LDAH: variants seen among roughly 807,000 people sequenced by gnomAD.
LDAH encodes the protein lipid droplet associated hydrolase, also known as lipid droplet-associated hydrolase.
LDAH carries 26 observed loss-of-function variants against 29.6 expected under a neutral mutation model. The observed-to-expected ratio is 0.88, with a 90% CI of 0.64 to 1.22. The LOEUF is 1.22. Ranked by LOEUF, LDAH falls within the 50% of genes most tolerant of loss-of-function variation. LDAH has a pLI of 0.00. For missense variants in LDAH, 344 were observed against 387.3 expected (o/e 0.89, Z 0.94); for synonymous variants, 117 against 133.0 (o/e 0.88, Z 0.83).
rs1662488169 is a variant in LDAH at position 20,685,420 on chromosome 2, G to A, written c.*1483C>T. 9.1e-6 allele frequency: 11 copies of A among 1,213,592 alleles called. No homozygotes were observed. Among genetic ancestry groups the A allele is most frequent in the Non-Finnish European group, 1.2e-5 (11 of 886,400 alleles). The allele number at this position is 1,213,592 out of a possible 1,614,324, so 75.2% of individuals were successfully genotyped here. A position where few individuals can be genotyped will look rare whatever the true frequency, so the allele number is the denominator to read the frequency against. ...GTACAGCCCTGTGCTTACGGCCTAT[G>A]TATCTATTAGCTCTTCCCCTTGGGC... On this transcript the variant is annotated 3_prime_UTR_variant, in exon 7 of 7. Coordinates refer to ENST00000237822, the MANE Select transcript of LDAH (RefSeq NM_021925.4).
rs114010802 is a variant in LDAH, at chr2:20,774,826, C to T, written c.452G>A (p.Arg151Gln). The change falls in exon 4 of 7, where the codon CGA (arginine) becomes CAA (glutamine). Residue 151 changes from arginine (R) to glutamine (Q), a missense_variant. Transcript: ENST00000237822. Reference sequence around the variant, plus strand: ...CCTACTTACCGGGAGCTCAGGGACTCGCTTCAGCATCTGAAGTGTGAAATA... The same window carrying T: ...CCTACTTACCGGGAGCTCAGGGACTTGCTTCAGCATCTGAAGTGTGAAATA... ...GSYFTLQMLK[R>Q]VPELPVIRAF... is the part of the protein sequence containing the mutation. 9.5e-3 allele frequency: 15,263 copies of T among 1,612,958 alleles called. 108 individuals are homozygous for T. The highest frequency in any genetic ancestry group is 0.011 in the Non-Finnish European group (12,883 of 1,179,914).
chr2:20,752,727 G>A (rs1668051293), intron 4 of LDAH, among the ~76,000 whole-genome samples: 1 of 152,196 alleles, frequency 6.6e-6, no homozygotes, highest in Non-Finnish European at 1.5e-5. Flanking sequence ...AGTTTTGGAG[G>A]CCAAATCAGT....
chr2:20,729,846 A>T (rs966458953), intron 5 of LDAH, among the ~76,000 whole-genome samples: 4 of 152,280 alleles, frequency 2.6e-5, no homozygotes, highest in African/African-American at 9.6e-5. Context: ...CCCAGGCCGA[A>T]GTGCAGTGGT....
chr2:20,687,079 C>A lies in LDAH; in HGVS notation c.802G>T (p.Gly268Cys). ...EHLCKLTFYY[G>C]TIDPWCPKEY... ...TTTGGACACCAAGGATCTATAGTAC[C>A]ATAATAAAATGTAAGCTGAAAGACA... The change falls in exon 7 of 7, where the codon GGT becomes TGT. Residue 268 changes from glycine to cysteine, a missense_variant. Gly to Cys is a radical substitution (Grantham distance 159). Transcript: ENST00000237822. The A allele has an allele frequency of 6.2e-7, 1 of 1,604,110 alleles. No individual in the cohort carries two copies. The highest frequency in any genetic ancestry group is 1.1e-5 in the South Asian group (1 of 89,030).
chr2:20,801,768 C>T (rs1481405902), intron 1 of LDAH, among the ~76,000 whole-genome samples: 2 of 152,102 alleles, frequency 1.3e-5, no homozygotes, highest in African/African-American at 4.8e-5. Flanking sequence ...TCTCTTTTAG[C>T]TCTGTGCATT....
chr2:20,799,024 C>T (rs777693354), intron 2 of LDAH, among the ~76,000 whole-genome samples: 2 of 151,836 alleles, frequency 1.3e-5, no homozygotes, highest in South Asian at 2.1e-4. Context: ...GCCAGGAGTT[C>T]GACACACGCC....
Position 20,779,515 on chromosome 2 carries a change from T to G in LDAH, c.299-4536A>C, listed in dbSNP as rs141801028. Among the ~76,000 whole-genome samples, 41 of 151,854 alleles carry G rather than the reference T, an allele frequency of 2.7e-4. No individual in the cohort carries two copies. In the East Asian group the frequency reaches 6.8e-3, roughly 25 times the overall value. ...AGTTTCCTCCTTAATTTCTTTCAAA[T>G]ACACAAAAAAATAATATGTTGTTCA... On this transcript the variant is annotated intron_variant, in intron 3 of 6. Transcript: ENST00000237822.
chr2:20,821,935 G>A (rs900464107), intron 1 of LDAH, among the ~76,000 whole-genome samples: 9 of 152,126 alleles, frequency 5.9e-5, no homozygotes, highest in African/African-American at 2.2e-4. Flanking sequence ...AGGTTTCTAA[G>A]TCTTTAACCT....
intron 5 of LDAH, among the ~76,000 whole-genome samples, chr2:20,714,937 G>A (rs528488544): frequency 2.6e-5 from 4 of 152,130 alleles, no homozygotes; most frequent in Admixed American, 6.5e-5. Context: ...ATTCATAGCC[G>A]AATTCTACCA....
intron 4 of LDAH, among the ~76,000 whole-genome samples, chr2:20,749,210 T>C (rs1234050837): frequency 6.6e-6 from 1 of 151,960 alleles, no homozygotes; most frequent in Non-Finnish European, 1.5e-5. Context: ...AAGAGTAAAA[T>C]AGAAACATAC....
intron 5 of LDAH, among the ~76,000 whole-genome samples, chr2:20,732,288 T>C (rs1294076056): frequency 6.6e-6 from 1 of 152,194 alleles, no homozygotes; most frequent in Non-Finnish European, 1.5e-5. Context: ...TTCTGTTTGC[T>C]AATATTTTAT....
At chr2:20,810,245 C>T (rs2125137126) in intron 1 of LDAH, among the ~76,000 whole-genome samples, 1 of 152,310 alleles carries the variant, frequency 6.6e-6, no homozygotes, top group South Asian at 2.1e-4. Context: ...GTCACATAGG[C>T]TGTTGGCCTG....
chr2:20,746,487 T>G (rs976882715), intron 4 of LDAH, among the ~76,000 whole-genome samples: 4 of 152,152 alleles, frequency 2.6e-5, no homozygotes, highest in Non-Finnish European at 5.9e-5. Context: ...TGTAAAAATA[T>G]AAGAAGACCA....
intron 3 of LDAH, among the ~76,000 whole-genome samples, chr2:20,781,118 C>T (rs1274564604): frequency 6.6e-6 from 1 of 152,186 alleles, no homozygotes; most frequent in African/African-American, 2.4e-5. Flanking sequence ...TCATTTCATA[C>T]TTTCTAAACA....
At position 20,708,686 on chromosome 2, in the gene LDAH, T is replaced by C. The variant is rs577513491; in HGVS notation, c.704-7034A>G. Among the ~76,000 whole-genome samples the C allele has an allele frequency of 6.0e-4, 92 of 152,284 alleles. 1 individual carries two copies. In the Middle Eastern group the frequency reaches 0.014, roughly 23 times the overall value. On this transcript the variant is annotated intron_variant, in intron 5 of 6. Transcript: ENST00000237822. ...CATGACATAGGAAATAAATTCAGAA[T>C]GGATCATAGCCCTAAATGTAACAAC...
intron 4 of LDAH, among the ~76,000 whole-genome samples, chr2:20,746,418 T>C (rs181780822): frequency 2.0e-5 from 3 of 152,272 alleles, no homozygotes; most frequent in Non-Finnish European, 2.9e-5. Context: ...TCTGAAATAA[T>C]GGGAATGGAC....
intron 5 of LDAH, among the ~76,000 whole-genome samples, chr2:20,710,607 TATATATATATATAG>T (rs1459533089): frequency 4.6e-4 from 57 of 123,012 alleles, no homozygotes; most frequent in South Asian, 1.9e-3. Context: ...TGTGTGTGTG[TATATATATATATAG>T]ATATATATAT....
chr2:20,745,844 T>C (rs140316863), intron 4 of LDAH, among the ~76,000 whole-genome samples: 5 of 152,300 alleles, frequency 3.3e-5, no homozygotes, highest in South Asian at 2.1e-4. Flanking sequence ...ACGGGGCAGA[T>C]AAAATAATAA....
rs538954599 is a variant in LDAH at position 20,747,392 on chromosome 2, C to CAA, written c.469-7189_469-7188dup. ...GCTTCTCCACCGTACAAGCAGAAAACAAACAAAAAAATAGCACACAGTTTC... is the reference window on the plus strand; with the variant it reads ...GCTTCTCCACCGTACAAGCAGAAAACAAAAACAAAAAAATAGCACACAGTTTC... On this transcript the variant is annotated intron_variant, in intron 4 of 6. Coordinates refer to ENST00000237822, the MANE Select transcript of LDAH (RefSeq NM_021925.4). Among the ~76,000 whole-genome samples the CAA allele has an allele frequency of 9.2e-5, 14 of 152,148 alleles. No individual in the cohort carries two copies. The East Asian group carries it at 2.7e-3, about 29-fold the overall frequency.
Sources: allele counts gnomAD v4.1 joint callset (sites outside exome capture counted in the v4.1 genomes callset), GRCh38; gene constraint gnomAD v4.1.1; transcripts MANE v1.5; gene names NCBI Gene and HGNC (gene_info 2026-07-23, HGNC 2026-07-21).